Variants in DOCK10 observed in about 807,000 individuals in gnomAD.
DOCK10 encodes dedicator of cytokinesis 10.
A neutral mutation model predicts 280.1 loss-of-function variants in DOCK10; 145 were observed. The observed-to-expected ratio is 0.52, with a 90% CI of 0.45 to 0.59. DOCK10 has a LOEUF of 0.59. Ranked by LOEUF, DOCK10 falls within the 20% of genes least tolerant of loss-of-function variation. The probability of loss-of-function intolerance (pLI) is 0.00; values close to 1 mark genes in which losing one functional copy is unlikely to be tolerated. For synonymous variants in DOCK10, 915 were observed against 942.2 expected (o/e 0.97, Z 0.53); for missense variants, 2,368 against 2,651.7 (o/e 0.89, Z 2.35).
chr2:225,000,850 C>T (rs1162498749), intron 1 of DOCK10, among the ~76,000 whole-genome samples: 1 of 152,204 alleles, frequency 6.6e-6, no homozygotes, highest in Non-Finnish European at 1.5e-5. Flanking sequence ...GTGGCTTACG[C>T]CTGTAATCCC....
chr2:224,796,981 C>T lies in DOCK10; in HGVS notation c.4810G>A (p.Val1604Ile). Residue 1604 changes from valine to isoleucine, a missense_variant, in exon 43 of 56, where the codon GTC becomes ATC. By Grantham distance (29) the Val-to-Ile change is conservative. Coordinates refer to ENST00000258390, the MANE Select transcript of DOCK10 (RefSeq NM_014689.3). Reference protein sequence around the residue: ...NFEFNKQKSIVRSHLQLIKAV... With the variant: ...NFEFNKQKSIIRSHLQLIKAV... ...GCACTTACTTGTAAGTGGGACCGGACAATTGACTTCTGCTTGTTAAATTCA... is the reference window on the plus strand; with the variant it reads ...GCACTTACTTGTAAGTGGGACCGGATAATTGACTTCTGCTTGTTAAATTCA... 1 of 1,612,824 alleles carries T rather than the reference C, an allele frequency of 6.2e-7. No individual in the cohort carries two copies. The highest frequency in any genetic ancestry group is 1.7e-4 in the Middle Eastern group (1 of 6,048).
chr2:224,844,568 T>C (rs1386826124), intron 22 of DOCK10, among the ~76,000 whole-genome samples, 185 bp downstream of exon 22: 1 of 152,244 alleles, frequency 6.6e-6, no homozygotes, highest in Non-Finnish European at 1.5e-5. Context: ...CTTAAGGGAT[T>C]AGGACATTCT....
chr2:225,029,755 G>C (rs892071514), intron 1 of DOCK10, among the ~76,000 whole-genome samples: 1 of 152,136 alleles, frequency 6.6e-6, no homozygotes, highest in Non-Finnish European at 1.5e-5. Context: ...GTTGTTACCA[G>C]CAGGTGGTAG....
At chr2:225,035,553 T>TA (rs1553634867) in intron 1 of DOCK10, among the ~76,000 whole-genome samples, 4 of 25,848 alleles carry the variant, frequency 1.5e-4, no homozygotes, top group South Asian at 3.3e-3. Context: ...TATATATATA[T>TA]ATATATATAT....
At chr2:224,803,997 A>AAT in intron 39 of DOCK10, 115 bp downstream of exon 39, 1 of 570,088 alleles carries the variant, frequency 1.8e-6, no homozygotes, top group Non-Finnish European at 2.9e-6. Flanking sequence ...TATAAATAGA[A>AAT]ATATGTGTGT....
At chr2:224,856,652 G>C (rs1697165084) in intron 15 of DOCK10, among the ~76,000 whole-genome samples, 1 of 152,156 alleles carries the variant, frequency 6.6e-6, no homozygotes, top group Non-Finnish European at 1.5e-5. Flanking sequence ...GTAAATAACT[G>C]ACATAGTTTA....
At chr2:224,937,642 T>C (rs1468317576) in intron 1 of DOCK10, among the ~76,000 whole-genome samples, 3 of 152,140 alleles carry the variant, frequency 2.0e-5, no homozygotes, top group African/African-American at 7.2e-5. Context: ...GTCAGTCTAC[T>C]CTATCCCCCA....
At position 224,889,204 on chromosome 2, in the gene DOCK10, T is replaced by A. The variant is rs540660923; in HGVS notation, c.417-2673A>T. Among the ~76,000 whole-genome samples the A allele has an allele frequency of 2.0e-5, 3 of 152,356 alleles. No individual in the cohort carries two copies. The South Asian group carries it at 6.2e-4, about 32-fold the overall frequency. ...TTTCCTATGTTGATGGTACTCCAGA[T>A]AGGAAGGTGAATGATCAGAGCTCTT... On this transcript the variant is annotated intron_variant, in intron 4 of 55. Transcript: ENST00000258390.
intron 1 of DOCK10, among the ~76,000 whole-genome samples, chr2:225,028,376 T>A (rs1689977200): frequency 1.3e-5 from 2 of 152,104 alleles, no homozygotes; most frequent in Admixed American, 1.3e-4. Context: ...AATGGGGACC[T>A]CGGCCCTACA....
chr2:224,875,922 A>G, intron 8 of DOCK10, 116 bp downstream of exon 8: 1 of 992,750 alleles, frequency 1.0e-6, no homozygotes, highest in Non-Finnish European at 1.5e-6. Flanking sequence ...TGGAACAAAC[A>G]GCCCCAGGAT....
intron 47 of DOCK10, among the ~76,000 whole-genome samples, chr2:224,792,258 A>AAT (rs1420753356): frequency 1.3e-5 from 2 of 152,118 alleles, no homozygotes; most frequent in East Asian, 1.9e-4. Flanking sequence ...ACATATATAG[A>AAT]ATATATATAT....
At chr2:224,910,113 T>C (rs1176779581) in intron 3 of DOCK10, among the ~76,000 whole-genome samples, 1 of 152,206 alleles carries the variant, frequency 6.6e-6, no homozygotes, top group African/African-American at 2.4e-5. Flanking sequence ...GTATTTGCCC[T>C]TGCCACCCCA....
At chr2:224,967,179 A>C (rs1019403020) in intron 1 of DOCK10, among the ~76,000 whole-genome samples, 8 of 151,100 alleles carry the variant, frequency 5.3e-5, no homozygotes, top group Admixed American at 1.3e-4. Context: ...TCCCGGGTTC[A>C]CGCCATTCTT....
intron 39 of DOCK10, 102 bp downstream of exon 39, chr2:224,804,000 ATGTGTGTGTG>A (rs71062961): frequency 6.7e-5 from 31 of 461,852 alleles, no homozygotes; most frequent in African/African-American, 4.0e-4. Context: ...AAATAGAAAT[ATGTGTGTGTG>A]TGTGTGTGTG....
intron 4 of DOCK10, among the ~76,000 whole-genome samples, chr2:224,890,544 T>C (rs2125790940): frequency 1.3e-5 from 2 of 152,310 alleles, no homozygotes; most frequent in Middle Eastern, 6.8e-3. Flanking sequence ...GCCGCAGAAG[T>C]GTCTGTCACT....
chr2:224,828,013 CT>C (rs1232292964), intron 27 of DOCK10, among the ~76,000 whole-genome samples: 1 of 152,136 alleles, frequency 6.6e-6, no homozygotes, highest in African/African-American at 2.4e-5. Context: ...GTCAGCACTC[CT>C]CCCATGCAAG....
chr2:224,917,585 G>A (rs74422364), intron 2 of DOCK10, among the ~76,000 whole-genome samples: 35,048 of 151,784 alleles, frequency 0.23, 4,498 homozygotes, highest in Non-Finnish European at 0.28. Context: ...GGAGTGTTTA[G>A]TAAATCTGAA....
intron 1 of DOCK10, among the ~76,000 whole-genome samples, chr2:225,026,849 T>C (rs1689933885): frequency 6.6e-6 from 1 of 152,182 alleles, no homozygotes; most frequent in Non-Finnish European, 1.5e-5. Context: ...AATTGTTCCA[T>C]GGATTGAAAA....
chr2:224,844,919 G>A (rs11682884), intron 21 of DOCK10, 80 bp from the exon 22 acceptor site: 112,240 of 1,041,662 alleles, frequency 0.11, 7,521 homozygotes, highest in African/African-American at 0.29. Flanking sequence ...TTATGTTAAT[G>A]TGCTGTTCTG....
Sources: gnomAD v4.1 joint callset for allele counts (sites outside exome capture counted in the v4.1 genomes callset) on GRCh38, gnomAD v4.1.1 for gene constraint, MANE v1.5 for transcripts, NCBI Gene and HGNC (gene_info 2026-07-23, HGNC 2026-07-21) for gene names.